TMEM117: variants seen among roughly 807,000 people sequenced by gnomAD.
TMEM117 encodes transmembrane protein 117.
In TMEM117, 27 loss-of-function variants were observed where a neutral mutation model predicts 52.4. The observed-to-expected ratio is 0.51, with a 90% CI of 0.38 to 0.71. The LOEUF (loss-of-function observed/expected upper bound fraction) is 0.71. Among genes scored for constraint, TMEM117 ranks in the 30% least tolerant of loss-of-function variants. TMEM117 has a pLI of 0.00. For missense variants in TMEM117, 556 were observed against 630.5 expected, an observed-to-expected ratio of 0.88 and a Z score of 1.26; for synonymous variants, 215 against 206.3, an observed-to-expected ratio of 1.04 and a Z score of -0.36.
intron 6 of TMEM117, among the ~76,000 whole-genome samples, chr12:44,366,254 C>T (rs565492854): frequency 9.7e-4 from 148 of 152,020 alleles, no homozygotes; most frequent in Non-Finnish European, 1.9e-3. Flanking sequence ...TGGATTGTGT[C>T]GGTATAAAGA....
At chr12:44,192,764 A>G (rs61629163) in intron 4 of TMEM117, among the ~76,000 whole-genome samples, 18,751 of 152,198 alleles carry the variant, frequency 0.12, 1,405 homozygotes, top group African/African-American at 0.21. Flanking sequence ...TTTAATCTGC[A>G]TCCTGGCTCT....
At chr12:43,897,009 G>T (rs1214113741) in intron 2 of TMEM117, among the ~76,000 whole-genome samples, 1 of 152,150 alleles carries the variant, frequency 6.6e-6, no homozygotes, top group African/African-American at 2.4e-5. Context: ...AGACCTAGTT[G>T]CCTGAGTCAA....
chr12:44,248,759 GC>G, intron 5 of TMEM117: 1 of 172,416 alleles, frequency 5.8e-6, no homozygotes. Flanking sequence ...GCACCAGGGT[GC>G]CCCAACACCA....
intron 3 of TMEM117, among the ~76,000 whole-genome samples, chr12:44,046,959 TG>T (rs1401602770): frequency 6.6e-6 from 1 of 152,168 alleles, no homozygotes; most frequent in African/African-American, 2.4e-5. Context: ...TTGAAGATTA[TG>T]TATGATCTTA....
intron 3 of TMEM117, among the ~76,000 whole-genome samples, chr12:44,068,451 A>G (rs1406421199): frequency 1.3e-5 from 2 of 152,142 alleles, no homozygotes; most frequent in African/African-American, 2.4e-5. Context: ...TCACTTGAAC[A>G]TTTGGAGGCC....
At chr12:44,060,574 C>A (rs756542013) in intron 3 of TMEM117, among the ~76,000 whole-genome samples, 6 of 151,998 alleles carry the variant, frequency 3.9e-5, no homozygotes, top group African/African-American at 1.5e-4. Context: ...AAGCTTTGGG[C>A]GAAGTTGTTG....
chr12:44,017,864 T>G (rs573751089), intron 3 of TMEM117, among the ~76,000 whole-genome samples: 1 of 152,224 alleles, frequency 6.6e-6, no homozygotes, highest in African/African-American at 2.4e-5. Context: ...AGAAAAAACC[T>G]CTAATGCATC....
chr12:44,293,586 G>A (rs1950731945), intron 5 of TMEM117, among the ~76,000 whole-genome samples: 1 of 151,602 alleles, frequency 6.6e-6, no homozygotes, highest in Non-Finnish European at 1.5e-5. Context: ...GTGTCTACTA[G>A]AGGTTTTTTC....
At chr12:44,339,778 G>A (rs1300845380) in intron 6 of TMEM117, among the ~76,000 whole-genome samples, 1 of 151,702 alleles carries the variant, frequency 6.6e-6, no homozygotes, top group East Asian at 1.9e-4. Context: ...ACTTTGCTTT[G>A]AATTGGAGGA....
At chr12:44,166,645 T>A (rs1001855272) in intron 4 of TMEM117, among the ~76,000 whole-genome samples, 6 of 152,230 alleles carry the variant, frequency 3.9e-5, no homozygotes, top group African/African-American at 1.4e-4. Flanking sequence ...GTTTTACTAC[T>A]TAAATGATCA....
At chr12:44,304,344 G>A (rs1170959774) in intron 6 of TMEM117, among the ~76,000 whole-genome samples, 3 of 152,206 alleles carry the variant, frequency 2.0e-5, no homozygotes, top group African/African-American at 7.2e-5. Context: ...CCTCCCAACT[G>A]CAGGCTAAAG....
At chr12:43,987,550 A>G (rs1945868936) in intron 3 of TMEM117, among the ~76,000 whole-genome samples, 1 of 150,368 alleles carries the variant, frequency 6.7e-6, no homozygotes, top group Non-Finnish European at 1.5e-5. Context: ...GCTTTTAGTT[A>G]GTTTTTTTTT....
chr12:44,118,095 G>A (rs1798312329), intron 3 of TMEM117, among the ~76,000 whole-genome samples: 1 of 151,656 alleles, frequency 6.6e-6, no homozygotes. Context: ...GTTGTTCTGA[G>A]TGATGGAATA....
chr12:44,221,202 A>AT (rs1314451165), intron 5 of TMEM117, among the ~76,000 whole-genome samples: 1 of 152,226 alleles, frequency 6.6e-6, no homozygotes, highest in African/African-American at 2.4e-5. Context: ...ATGCTGTACC[A>AT]TTATAAATAT....
intron 3 of TMEM117, among the ~76,000 whole-genome samples, chr12:44,131,964 CT>C (rs1948420809): frequency 1.3e-5 from 2 of 151,970 alleles, no homozygotes; most frequent in Non-Finnish European, 2.9e-5. Context: ...TCATTTTGAG[CT>C]TTTTATTTTC....
intron 2 of TMEM117, among the ~76,000 whole-genome samples, chr12:43,871,247 C>T (rs962877978): frequency 1.3e-5 from 2 of 151,986 alleles, no homozygotes; most frequent in African/African-American, 4.8e-5. Context: ...GGATTACAGG[C>T]GTGCACCACC....
intron 5 of TMEM117, among the ~76,000 whole-genome samples, chr12:44,268,298 T>A (rs768450672): frequency 6.6e-6 from 1 of 151,992 alleles, no homozygotes; most frequent in Non-Finnish European, 1.5e-5. Flanking sequence ...CCGCCATGCC[T>A]GGCTAATTTT....
intron 3 of TMEM117, among the ~76,000 whole-genome samples, chr12:44,125,560 A>G (rs1307051784): frequency 6.6e-6 from 1 of 152,126 alleles, no homozygotes; most frequent in Non-Finnish European, 1.5e-5. Context: ...CAGTGGTGAC[A>G]TTCCCCCTTA....
chr12:43,865,494 T>G (rs928542786), intron 2 of TMEM117, among the ~76,000 whole-genome samples: 1 of 151,950 alleles, frequency 6.6e-6, no homozygotes, highest in South Asian at 2.1e-4. Flanking sequence ...GTCAGGAGTT[T>G]GAGACCAGCC....
Sources: allele counts gnomAD v4.1 joint callset (sites outside exome capture counted in the v4.1 genomes callset), GRCh38; gene constraint gnomAD v4.1.1; transcripts MANE v1.5; gene names NCBI Gene and HGNC (gene_info 2026-07-23, HGNC 2026-07-21).